The following NTRK2 variants were observed in gnomAD, a reference collection of about 807,000 sequenced individuals.
The protein encoded by NTRK2 is neurotrophic receptor tyrosine kinase 2.
NTRK2 carries 13 observed loss-of-function variants against 94.5 expected under a neutral mutation model. That is an observed-to-expected ratio of 0.14 (90% CI 0.09 to 0.22). The LOEUF is 0.22. Among genes scored for constraint, NTRK2 ranks in the 10% least tolerant of loss-of-function variants. The pLI is 1.00. For missense variants in NTRK2, 639 were observed against 1,071.2 expected (o/e 0.60, Z 5.63); for synonymous variants, 372 against 407.4 (o/e 0.91, Z 1.05).
intron 12 of NTRK2, among the ~76,000 whole-genome samples, chr9:84,794,955 C>G (rs1325482846): frequency 1.3e-5 from 2 of 152,124 alleles, no homozygotes; most frequent in Non-Finnish European, 2.9e-5. Flanking sequence ...ACTGAAACTC[C>G]TCCCTAGCCT....
chr9:84,983,911 C>T (rs1827971985), intron 17 of NTRK2, among the ~76,000 whole-genome samples: 1 of 152,196 alleles, frequency 6.6e-6, no homozygotes, highest in Non-Finnish European at 1.5e-5. Flanking sequence ...AGACATGGGA[C>T]AGTGGGTCTT....
chr9:84,860,400 A>C (rs1190944607), intron 12 of NTRK2, among the ~76,000 whole-genome samples: 1 of 152,198 alleles, frequency 6.6e-6, no homozygotes, highest in Non-Finnish European at 1.5e-5. Flanking sequence ...ACAGCTGTAC[A>C]CAGCCCAGTG....
intron 17 of NTRK2, among the ~76,000 whole-genome samples, chr9:85,004,391 A>G (rs1830735237): frequency 1.3e-5 from 2 of 152,210 alleles, no homozygotes; most frequent in Admixed American, 1.3e-4. Context: ...ATTCAGGGAT[A>G]AAGAGAATTA....
chr9:84,901,891 A>G (rs907111972), intron 14 of NTRK2, among the ~76,000 whole-genome samples: 3 of 152,102 alleles, frequency 2.0e-5, no homozygotes, highest in Non-Finnish European at 4.4e-5. Context: ...CTTCAGTAGT[A>G]GTTGAATGTG....
intron 14 of NTRK2, among the ~76,000 whole-genome samples, chr9:84,902,255 T>C (rs1772822351): frequency 6.6e-6 from 1 of 152,100 alleles, no homozygotes; most frequent in Non-Finnish European, 1.5e-5. Flanking sequence ...ATTGGTGTTT[T>C]CCACTTTAGG....
intron 12 of NTRK2, among the ~76,000 whole-genome samples, chr9:84,828,286 C>T (rs2131637514): frequency 6.6e-6 from 1 of 152,280 alleles, no homozygotes; most frequent in African/African-American, 2.4e-5. Flanking sequence ...ACACCTCTAA[C>T]AGGCCCAGTT....
chr9:84,949,173 T>G (rs1225698428), intron 16 of NTRK2, among the ~76,000 whole-genome samples: 1 of 152,070 alleles, frequency 6.6e-6, no homozygotes, highest in East Asian at 1.9e-4. Flanking sequence ...AGGAGGCCAG[T>G]AGTTCAGAGG....
At chr9:84,819,357 C>T (rs757801157) in intron 12 of NTRK2, among the ~76,000 whole-genome samples, 13 of 152,190 alleles carry the variant, frequency 8.5e-5, no homozygotes, top group Non-Finnish European at 1.3e-4. Context: ...AGTACAGAGT[C>T]GCCAGCACTG....
intron 13 of NTRK2, among the ~76,000 whole-genome samples, chr9:84,865,124 A>G (rs540721112): frequency 2.6e-5 from 4 of 152,186 alleles, no homozygotes; most frequent in Non-Finnish European, 4.4e-5. Flanking sequence ...GATGATTAGG[A>G]GTATTGGAAA....
chr9:84,719,260 A>G (rs1414268871), intron 6 of NTRK2, among the ~76,000 whole-genome samples: 2 of 152,208 alleles, frequency 1.3e-5, no homozygotes, highest in African/African-American at 4.8e-5. Context: ...CATATACTTC[A>G]TTAATTAAAT....
chr9:84,975,438 A>G (rs1028255000), intron 17 of NTRK2, among the ~76,000 whole-genome samples: 7 of 152,246 alleles, frequency 4.6e-5, no homozygotes, highest in Admixed American at 3.9e-4. Flanking sequence ...ATTGGAAGAA[A>G]AATGTAATAT....
rs113497233 is a variant in NTRK2 at position 84,980,439 on chromosome 9, T to C, written c.2172+24922T>C. ...ACATTATTATGACTTTTGAGCAATA[T>C]TATATTGTCATCCCACTCTTAAAAT... On this transcript the variant is annotated intron_variant, in intron 17 of 18. Transcript: ENST00000277120. 3.3e-3 allele frequency among the ~76,000 whole-genome samples: 510 copies of C among 152,306 alleles called. 4 individuals carry two copies. The highest frequency in any genetic ancestry group is 0.012 in the African/African-American group (478 of 41,546).
intron 14 of NTRK2, among the ~76,000 whole-genome samples, chr9:84,906,005 A>G (rs181374718): frequency 7.0e-4 from 107 of 152,326 alleles, no homozygotes; most frequent in African/African-American, 2.3e-3. Context: ...CAGAATGTGA[A>G]TTCGATTTCC....
At chr9:84,691,288 C>G (rs1346715291) in intron 2 of NTRK2, among the ~76,000 whole-genome samples, 1 of 152,078 alleles carries the variant, frequency 6.6e-6, no homozygotes, top group East Asian at 1.9e-4. Flanking sequence ...CCTGAGAAAG[C>G]CAGTGAAAGT....
chr9:84,771,681 T>G (rs2066559695), intron 12 of NTRK2, among the ~76,000 whole-genome samples: 2 of 152,202 alleles, frequency 1.3e-5, no homozygotes, highest in South Asian at 4.1e-4. Context: ...TTACTTGGCT[T>G]TTTAAGATGA....
In NTRK2 at chr9:84,796,371, T is replaced by A. The variant is rs188712063; in HGVS notation, c.1396+44286T>A. Among the ~76,000 whole-genome samples the A allele has an allele frequency of 5.3e-5, 8 of 152,336 alleles. No homozygotes were observed. In the East Asian group the frequency reaches 1.5e-3, roughly 29 times the overall value. On this transcript the variant is annotated intron_variant, in intron 12 of 18. Coordinates refer to ENST00000277120, the MANE Select transcript of NTRK2 (RefSeq NM_006180.6). ...CTTTTAATTCAAGATTAGAAGATCC[T>A]TCCCCCTTACCTTCTAGCTATATCT...
chr9:84,825,357 C>A (rs2073118874), intron 12 of NTRK2, among the ~76,000 whole-genome samples: 1 of 152,068 alleles, frequency 6.6e-6, no homozygotes, highest in African/African-American at 2.4e-5. Context: ...AGATTAAGTC[C>A]AAGCTTCTCA....
chr9:84,874,215 A>C, intron 14 of NTRK2: 2 of 1,065,376 alleles, frequency 1.9e-6, no homozygotes, highest in Non-Finnish European at 2.3e-6. Flanking sequence ...ACACAGTTGC[A>C]GAGTAGCCTC....
At chr9:84,906,881 C>T in intron 14 of NTRK2, among the ~76,000 whole-genome samples, 1 of 152,128 alleles carries the variant, frequency 6.6e-6, no homozygotes, top group East Asian at 1.9e-4. Flanking sequence ...GACAACCTTC[C>T]CCCATCATGT....
Sources: allele counts gnomAD v4.1 joint callset (sites outside exome capture counted in the v4.1 genomes callset), GRCh38; gene constraint gnomAD v4.1.1; transcripts MANE v1.5; gene names NCBI Gene and HGNC (gene_info 2026-07-23, HGNC 2026-07-21).